ZNF586: variants seen among roughly 807,000 people sequenced by gnomAD.
ZNF586 encodes zinc finger protein 586.
In ZNF586, 7 loss-of-function variants were observed where a neutral mutation model predicts 6.7. The ratio of observed to expected loss-of-function variants is 1.04; its 90% CI spans 0.59 to 1.95. The LOEUF is 1.95. Among genes scored for constraint, ZNF586 ranks in the 30% most tolerant of loss-of-function variants. The probability of loss-of-function intolerance (pLI) is 0.00; values close to 1 mark genes in which losing one functional copy is unlikely to be tolerated. For synonymous variants in ZNF586, 166 were observed against 168.7 expected, an observed-to-expected ratio of 0.98 and a Z score of 0.12; for missense variants, 442 against 489.6, an observed-to-expected ratio of 0.90 and a Z score of 0.92.
chr19:57,778,771 G>A lies in ZNF586; in HGVS notation c.184G>A (p.Asp62Asn), dbSNP rs778170379. 8 of 1,606,538 alleles carry A rather than the reference G, an allele frequency of 5.0e-6. No individual in the cohort carries two copies. Among genetic ancestry groups the A allele is most frequent in the African/African-American group, 2.7e-5 (2 of 74,594 alleles). ...TTTAGGTTGTTGGCATGGAGGGGAA[G>A]ATGAGGCAGCACCTTCTAAGCAGAG... Reference protein sequence around the residue: ...SSLGCWHGGEDEAAPSKQSTC... With the variant: ...SSLGCWHGGENEAAPSKQSTC... The change falls in exon 3 of 3, where the codon GAT (aspartate) becomes AAT (asparagine). Residue 62 changes from aspartate to asparagine, a missense_variant. Physicochemically the swap from Asp to Asn is conservative, Grantham distance 23 (BLOSUM62 1). Coordinates refer to ENST00000396154, the MANE Select transcript of ZNF586 (RefSeq NM_017652.4).
In ZNF586 at chr19:57,769,682, C is replaced by G. The variant is rs1987036924; in HGVS notation, c.-161C>G. ...AGCCGTGGCAGCCATTTTGGCCTGT[C>G]AGGTCCATCCGGCGATGCTGGGTCT... is the stretch of plus-strand genomic sequence containing the variant. On this transcript the variant is annotated 5_prime_UTR_variant, in exon 1 of 3. Transcript: ENST00000396154. The G allele has an allele frequency of 2.7e-6, 2 of 754,356 alleles. No homozygotes were observed. Among genetic ancestry groups the G allele is most frequent in the Admixed American group, 2.4e-5 (1 of 41,152 alleles). 46.7% of individuals were successfully genotyped at this position (754,356 alleles called of 1,614,324 possible).
chr19:57,778,472 A>T (rs561579693), intron 2 of ZNF586, among the ~76,000 whole-genome samples: 22 of 152,284 alleles, frequency 1.4e-4, no homozygotes, highest in African/African-American at 5.3e-4. Context: ...CTCACACGTC[A>T]TCAGCAAATA....
At position 57,779,128 on chromosome 19, in the gene ZNF586, A is replaced by G. The variant is rs767077201; in HGVS notation, c.541A>G (p.Ile181Val). 2.5e-5 allele frequency: 40 copies of G among 1,613,872 alleles called. No individual in the cohort carries two copies. Among genetic ancestry groups the G allele is most frequent in the Middle Eastern group, 3.3e-4 (2 of 6,060 alleles). ...CACTAGAGAAAGGCCTTATGAGTGT[A>G]TTGAATGTGGGAAAGCCTTTGCTGA... ...LHTRERPYECIECGKAFAEKS... is the reference protein window; with the variant it reads ...LHTRERPYECVECGKAFAEKS... The change falls in exon 3 of 3, where the codon ATT (isoleucine) becomes GTT (valine). Residue 181 changes from isoleucine (I) to valine (V), a missense_variant. Transcript: ENST00000396154.
rs1987362534 is a variant in ZNF586 at position 57,780,599 on chromosome 19, A to T, written c.*803A>T. On this transcript the variant is annotated 3_prime_UTR_variant, in exon 3 of 3. Coordinates refer to ENST00000396154, the MANE Select transcript of ZNF586 (RefSeq NM_017652.4). ...TTAAGACACCTTCAGTCTTTGCAGG[A>T]GGGCATGGAAGCTCCAAGTGCTTTT... 1 of 152,210 alleles carries T rather than the reference A, an allele frequency of 6.6e-6. No homozygotes were observed. Among genetic ancestry groups the T allele is most frequent in the Non-Finnish European group, 1.5e-5 (1 of 68,050 alleles). 9.4% of individuals were successfully genotyped at this position (152,210 alleles called of 1,614,324 possible).
intron 1 of ZNF586, among the ~76,000 whole-genome samples, chr19:57,772,755 TC>T (rs2122554339): frequency 6.6e-6 from 1 of 152,284 alleles, no homozygotes; most frequent in Non-Finnish European, 1.5e-5. Flanking sequence ...ATTTGGAAGC[TC>T]CCCAGACCCT....
intron 2 of ZNF586, among the ~76,000 whole-genome samples, chr19:57,777,216 T>C (rs1261616868): frequency 1.3e-5 from 2 of 152,192 alleles, no homozygotes; most frequent in Non-Finnish European, 2.9e-5. Context: ...TAAAAATATA[T>C]AGGAAGGAAT....
intron 1 of ZNF586, among the ~76,000 whole-genome samples, chr19:57,772,825 T>C (rs4390698): frequency 0.5 from 75,925 of 151,842 alleles, 20,783 homozygotes; most frequent in African/African-American, 0.72. Flanking sequence ...AAATCATTGG[T>C]CAATGCTGAT....
Position 57,779,325 on chromosome 19 carries a change from C to G in ZNF586, c.738C>G (p.Asn246Lys), listed in dbSNP as rs746720400. 2.5e-5 allele frequency: 40 copies of G among 1,613,710 alleles called. 1 individual carries two copies. The highest frequency in any genetic ancestry group is 1.6e-4 in the Middle Eastern group (1 of 6,084). The part of the protein sequence containing the change: ...CSECGRSFAE[N>K]SSLIKHLRVH... ...AATGTGGGAGATCCTTTGCTGAAAA[C>G]TCCAGTCTTATTAAACACTTGAGAG... The change falls in exon 3 of 3, where the codon AAC becomes AAG. Residue 246 changes from asparagine (N) to lysine (K), a missense_variant. Transcript: ENST00000396154.
chr19:57,774,718 A>C (rs1987185814), intron 1 of ZNF586: 1 of 984,218 alleles, frequency 1.0e-6, no homozygotes. Context: ...GCTATTGAGA[A>C]ACATTGGAAT....
intron 1 of ZNF586, 129 bp from the exon 2 acceptor site, chr19:57,776,414 C>T: frequency 8.2e-7 from 1 of 1,216,094 alleles, no homozygotes; most frequent in East Asian, 2.5e-5. Flanking sequence ...CACTAGTGGG[C>T]AAAATTTCTC....
intron 1 of ZNF586, among the ~76,000 whole-genome samples, chr19:57,774,533 A>AATAC: frequency 1.6e-5 from 1 of 62,256 alleles, no homozygotes. Flanking sequence ...CAAAAATATA[A>AATAC]ATAAATAAAT....
In ZNF586 at chr19:57,780,116, G is replaced by A. The variant is rs1033379081; in HGVS notation, c.*320G>A. ...AGGATGCCATCTGCCTAAATTGAAT[G>A]TCATACATCAAATAGCTGCATACAT... On this transcript the variant is annotated 3_prime_UTR_variant, in exon 3 of 3. Transcript: ENST00000396154. The A allele has an allele frequency of 9.4e-6, 3 of 318,652 alleles. No homozygotes were observed. Among genetic ancestry groups the A allele is most frequent in the Admixed American group, 4.6e-5 (1 of 21,678 alleles). 19.7% of individuals were successfully genotyped at this position (318,652 alleles called of 1,614,324 possible).
Position 57,778,809 on chromosome 19 carries a change from T to C in ZNF586, c.222T>C (p.His74=), listed in dbSNP as rs775702382. 20 of 1,613,980 alleles carry C rather than the reference T, an allele frequency of 1.2e-5. No individual in the cohort carries two copies. In the East Asian group the frequency reaches 4.2e-4, roughly 34 times the overall value. The stretch of plus-strand genomic sequence containing the variant: ...CTTCTAAGCAGAGCACGTGTATACA[T>C]ATATACAAAGACCAGGGAGGTCATA... ...AAPSKQSTCI[H]IYKDQGGHSG... The change falls in exon 3 of 3, where the codon CAT becomes CAC. Residue 74 remains histidine, a synonymous_variant. Transcript: ENST00000396154.
chr19:57,778,952 A>G lies in ZNF586; in HGVS notation c.365A>G (p.Tyr122Cys), dbSNP rs1987307811. ...AATGTTCGCACTGGAGAAAGGCCTT[A>G]TGAGTGCAGCAAATATGGGAAATTA... ...HRNVRTGERP[Y>C]ECSKYGKLFH... is the part of the protein sequence containing the mutation. Residue 122 changes from tyrosine (Y) to cysteine (C), a missense_variant, in exon 3 of 3, where the codon TAT (tyrosine) becomes TGT (cysteine). Physicochemically the swap from Tyr to Cys is radical, Grantham distance 194. Transcript: ENST00000396154. 1.9e-6 allele frequency: 3 copies of G among 1,614,090 alleles called. No individual in the cohort carries two copies. Among genetic ancestry groups the G allele is most frequent in the Admixed American group, 3.3e-5 (2 of 60,008 alleles).
chr19:57,774,807 AAAGTT>A, intron 1 of ZNF586: 2 of 969,328 alleles, frequency 2.1e-6, no homozygotes, highest in Non-Finnish European at 1.2e-6. Flanking sequence ...TGTAAGCCCT[AAAGTT>A]AAGGTCAGTA....
chr19:57,772,118 A>G (rs1303293500), intron 1 of ZNF586, among the ~76,000 whole-genome samples: 1 of 152,108 alleles, frequency 6.6e-6, no homozygotes, highest in African/African-American at 2.4e-5. Flanking sequence ...CACCGTGCCC[A>G]GCCTGGCAAC....
Position 57,776,610 on chromosome 19 carries a change from C to T in ZNF586, c.104C>T (p.Ala35Val). The change falls in exon 2 of 3, where the codon GCT (alanine) becomes GTT (valine). Residue 35 changes from alanine (A) to valine (V), a missense_variant. Coordinates refer to ENST00000396154, the MANE Select transcript of ZNF586 (RefSeq NM_017652.4). ...GAGGAATGGAGTCTTCTTAATGAGG[C>T]TCAGAGATGCCTGTACCGTGACGTG... ...SLEEWSLLNE[A>V]QRCLYRDVML... 6.2e-7 allele frequency: 1 copy of T among 1,613,608 alleles called. No individual in the cohort carries two copies. Among genetic ancestry groups the T allele is most frequent in the African/African-American group, 1.3e-5 (1 of 74,984 alleles).
chr19:57,779,470 T>C lies in ZNF586; in HGVS notation c.883T>C (p.Cys295Arg), dbSNP rs1987329418. The change falls in exon 3 of 3, where the codon TGT (cysteine) becomes CGT (arginine). Residue 295 changes from cysteine (C) to arginine (R), a missense_variant. Transcript: ENST00000396154. ...TRERPYECSE[C>R]GKSFSLRSNL... The stretch of plus-strand genomic sequence containing the variant: ...AGAAAGGCCTTATGAATGTAGTGAA[T>C]GTGGGAAATCCTTTAGCTTAAGGTC... The C allele has an allele frequency of 6.2e-7, 1 of 1,614,188 alleles. No homozygotes were observed.
At chr19:57,774,803 C>G (rs1247974889) in intron 1 of ZNF586, 25 of 977,726 alleles carry the variant, frequency 2.6e-5, no homozygotes, top group Non-Finnish European at 3.0e-5. Context: ...ATGGTGTAAG[C>G]CCTAAAGTTA....
Sources: allele counts gnomAD v4.1 joint callset (sites outside exome capture counted in the v4.1 genomes callset), GRCh38; gene constraint gnomAD v4.1.1; transcripts MANE v1.5; gene names NCBI Gene and HGNC (gene_info 2026-07-23, HGNC 2026-07-21).